The following FAAH2 variants were observed in gnomAD, a reference collection of about 807,000 sequenced individuals.
The protein encoded by FAAH2 is fatty acid amide hydrolase 2.
FAAH2 carries 60 observed loss-of-function variants against 36.9 expected under a neutral mutation model. The observed-to-expected ratio is 1.63, with a 90% CI of 1.32 to 2.02. FAAH2 has a LOEUF of 2.02. Among genes scored for constraint, FAAH2 ranks in the 30% most tolerant of loss-of-function variants. The probability of loss-of-function intolerance (pLI) is 0.00; values close to 1 mark genes in which losing one functional copy is unlikely to be tolerated. For synonymous variants in FAAH2, 214 were observed against 143.8 expected (o/e 1.49, Z -3.49); for missense variants, 689 against 397.5 (o/e 1.73, Z -6.23).
chrX:57,153,247 T>G, the FAAH2 span, among the ~76,000 whole-genome samples: 4 of 111,982 alleles, frequency 3.6e-5, 1 homozygote. Flanking sequence ...ACCTTAAGTT[T>G]ATGTGAGTCC....
intron 7 of FAAH2, among the ~76,000 whole-genome samples, chrX:57,409,862 T>A (rs1466777512): frequency 2.7e-5 from 3 of 111,197 alleles, no homozygotes; most frequent in Non-Finnish European, 5.7e-5. Context: ...TCTTAGTTTT[T>A]TTCAGTATTA....
intron 7 of FAAH2, among the ~76,000 whole-genome samples, chrX:57,398,028 A>T (rs2055346575): frequency 9.0e-6 from 1 of 111,596 alleles, no homozygotes; most frequent in Non-Finnish European, 1.9e-5. Context: ...AAAGGACATG[A>T]ACTCATCTTT....
At chrX:57,389,515 C>T (rs995493473) in intron 7 of FAAH2, among the ~76,000 whole-genome samples, 2 of 108,716 alleles carry the variant, frequency 1.8e-5, no homozygotes, top group South Asian at 4.0e-4. Context: ...TAACATAATG[C>T]CCTTCAGGTC....
chrX:57,380,365 A>C (rs1344033178), intron 6 of FAAH2, among the ~76,000 whole-genome samples: 1 of 111,208 alleles, frequency 9.0e-6, no homozygotes, highest in African/African-American at 3.3e-5. Context: ...TCTATTTACT[A>C]CTACAGGAAG....
chrX:57,262,976 C>T, the FAAH2 span, among the ~76,000 whole-genome samples: 1 of 111,028 alleles, frequency 9.0e-6, no homozygotes, highest in African/African-American at 3.3e-5. Flanking sequence ...TGAAAAATAG[C>T]TCTAAGAATA....
chrX:57,208,382 C>A, the FAAH2 span, among the ~76,000 whole-genome samples: 2 of 112,287 alleles, frequency 1.8e-5, 1 homozygote, highest in Admixed American at 1.9e-4. Flanking sequence ...CCAGAGCCCA[C>A]ACTTGTCCCA....
chrX:57,442,535 C>T (rs746302923), intron 8 of FAAH2, among the ~76,000 whole-genome samples: 6 of 111,779 alleles, frequency 5.4e-5, no homozygotes, highest in Admixed American at 4.7e-4. Flanking sequence ...CTGCATACAG[C>T]ACACTGATGT....
chrX:57,312,400 C>A (rs1048615218), intron 3 of FAAH2, among the ~76,000 whole-genome samples: 1 of 112,004 alleles, frequency 8.9e-6, no homozygotes, highest in African/African-American at 3.2e-5. Flanking sequence ...AGGCCAGGCA[C>A]AGTGGCTTAT....
chrX:57,214,570 G>T, the FAAH2 span, among the ~76,000 whole-genome samples: 3 of 111,281 alleles, frequency 2.7e-5, no homozygotes, highest in Non-Finnish European at 3.8e-5. Flanking sequence ...GGGATTACAG[G>T]TGCGTGCCAT....
At chrX:57,128,452 A>G in the FAAH2 span, among the ~76,000 whole-genome samples, 1 of 111,873 alleles carries the variant, frequency 8.9e-6, no homozygotes, top group Non-Finnish European at 1.9e-5. Context: ...CTATTCAAAG[A>G]CAAATGTATA....
the FAAH2 span, chrX:57,135,352 G>C: frequency 6.9e-6 from 1 of 144,382 alleles, no homozygotes; most frequent in Admixed American, 7.7e-5. Context: ...TTCTGAGTTG[G>C]ATGTTTCCTT....
intron 7 of FAAH2, among the ~76,000 whole-genome samples, chrX:57,398,383 G>T (rs1411031661): frequency 9.0e-6 from 1 of 111,302 alleles, no homozygotes; most frequent in Non-Finnish European, 1.9e-5. Flanking sequence ...TCTGGTATCG[G>T]GATATCTACA....
Position 57,448,571 on chromosome X carries a change from CAA to C in FAAH2, c.1279_1280del (p.Lys427ValfsTer2), listed in dbSNP as rs1396968557. ...EKLRYSNEKYQKFKAVEESLR... is the reference protein window; with the variant it reads ...EKLRYSNEKYXKFKAVEESLR... ...GCTCAGATATAGCAATGAGAAATAC[CAA>C]AAGTTTAAGGCAGTGGAAGAAAGCC... On this transcript the variant is annotated frameshift_variant, in exon 10 of 11. Coordinates refer to ENST00000374900, the MANE Select transcript of FAAH2 (RefSeq NM_174912.4). LOFTEE classifies it high-confidence loss of function. 5.0e-6 allele frequency: 6 copies of C among 1,210,711 alleles called. No homozygotes were observed. The highest frequency in any genetic ancestry group is 6.7e-6 in the Non-Finnish European group (6 of 895,178).
intron 10 of FAAH2, among the ~76,000 whole-genome samples, chrX:57,481,926 G>A (rs1484848152): frequency 4.5e-5 from 5 of 112,011 alleles, no homozygotes; most frequent in African/African-American, 1.6e-4. Context: ...GACTGGGGCT[G>A]TTACCTTTCC....
intron 3 of FAAH2, among the ~76,000 whole-genome samples, chrX:57,316,878 A>G (rs1186514645): frequency 8.9e-6 from 1 of 111,809 alleles, no homozygotes; most frequent in East Asian, 2.8e-4. Flanking sequence ...TAAATGAAAA[A>G]TTTACAAGTG....
rs1387290746 is a variant in FAAH2, at chrX:57,456,296, G to A, written c.1423+7578G>A. 3.6e-5 allele frequency among the ~76,000 whole-genome samples: 4 copies of A among 112,123 alleles called. No homozygotes were observed. The East Asian group carries it at 8.4e-4, about 23-fold the overall frequency. ...ACCAAATCTTTGAGATGCAGTTAAA[G>A]CAGTGGTAAGAGACAAATTTGTAGT... On this transcript the variant is annotated intron_variant, in intron 10 of 10. Coordinates refer to ENST00000374900, the MANE Select transcript of FAAH2 (RefSeq NM_174912.4).
chrX:57,151,964 T>C, the FAAH2 span, among the ~76,000 whole-genome samples: 43 of 111,940 alleles, frequency 3.8e-4, no homozygotes, highest in African/African-American at 1.3e-3. Flanking sequence ...GTTTGTTAGT[T>C]TTCCTTCTAA....
chrX:57,373,044 T>A (rs2054590873), intron 5 of FAAH2, among the ~76,000 whole-genome samples: 1 of 111,711 alleles, frequency 9.0e-6, no homozygotes, highest in African/African-American at 3.3e-5. Context: ...TTGCTGCAAA[T>A]GCCAATATTT....
chrX:57,361,684 G>A (rs1267669709), intron 5 of FAAH2, among the ~76,000 whole-genome samples: 7 of 111,117 alleles, frequency 6.3e-5, no homozygotes, highest in Admixed American at 4.8e-4. Context: ...TAAATTGTAA[G>A]ACTTTCTTTG....
Sources: allele counts gnomAD v4.1 joint callset (sites outside exome capture counted in the v4.1 genomes callset), GRCh38; gene constraint gnomAD v4.1.1; transcripts MANE v1.5; gene names NCBI Gene and HGNC (gene_info 2026-07-23, HGNC 2026-07-21).